SRSF12: variants seen among roughly 807,000 people sequenced by gnomAD.
The protein encoded by SRSF12 is serine/arginine-rich splicing factor 12.
In SRSF12, 21 loss-of-function variants were observed where a neutral mutation model predicts 34.1. That is an observed-to-expected ratio of 0.62 (90% confidence interval 0.44 to 0.89). The LOEUF (loss-of-function observed/expected upper bound fraction) is 0.89. Among genes scored for constraint, SRSF12 ranks in the 40% least tolerant of loss-of-function variants. The probability of loss-of-function intolerance (pLI) is 0.00; values close to 1 mark genes in which losing one functional copy is unlikely to be tolerated. For missense variants in SRSF12, 278 were observed against 327.8 expected (o/e 0.85, Z 1.17); for synonymous variants, 111 against 110.8 (o/e 1.00, Z -0.01).
intron 1 of SRSF12, among the ~76,000 whole-genome samples, chr6:89,114,118 G>A (rs991729293): frequency 5.9e-5 from 9 of 152,104 alleles, no homozygotes; most frequent in Admixed American, 5.2e-4. Context: ...ATTTCTCATC[G>A]GTAAAATGGG....
At chr6:89,117,494 G>A (rs544998137) in intron 1 of SRSF12, among the ~76,000 whole-genome samples, 8 of 152,318 alleles carry the variant, frequency 5.3e-5, no homozygotes, top group Admixed American at 4.6e-4. Context: ...CCCGACTCCC[G>A]GCGGGGAGCG....
chr6:89,111,328 T>A (rs943582208), intron 1 of SRSF12, among the ~76,000 whole-genome samples: 2 of 152,236 alleles, frequency 1.3e-5, no homozygotes, highest in Non-Finnish European at 2.9e-5. Flanking sequence ...AAAATTCCTC[T>A]TGAAAATATG....
At chr6:89,117,683 C>T (rs926437479) in intron 1 of SRSF12, 140 bp downstream of exon 1, 10 of 800,452 alleles carry the variant, frequency 1.2e-5, no homozygotes, top group African/African-American at 3.7e-5. Flanking sequence ...GCTCACACCT[C>T]CCCAAGTGGC....
At position 89,117,900 on chromosome 6, in the gene SRSF12, C is replaced by A; in HGVS notation, c.-13G>T. ...TGTAGCGAGACATGACCGCTTCCTC[C>A]GTTCCCTCCGGGTCTGCCCGCGGCC... is the stretch of plus-strand genomic sequence containing the variant. On this transcript the variant is annotated 5_prime_UTR_variant, in exon 1 of 5. Transcript: ENST00000452027. The A allele has an allele frequency of 6.4e-7, 1 of 1,559,916 alleles. No homozygotes were observed. The highest frequency in any genetic ancestry group is 2.7e-5 in the East Asian group (1 of 37,634).
chr6:89,112,136 T>C (rs2127995981), intron 1 of SRSF12, among the ~76,000 whole-genome samples: 1 of 151,946 alleles, frequency 6.6e-6, no homozygotes, highest in African/African-American at 2.4e-5. Context: ...GCCTGCCGAG[T>C]AGCTGGGATC....
At position 89,103,435 on chromosome 6, in the gene SRSF12, T is replaced by C. The variant is rs569286749; in HGVS notation, c.416+1684A>G. Among the ~76,000 whole-genome samples, 24 of 152,216 alleles carry C rather than the reference T, an allele frequency of 1.6e-4. No individual in the cohort carries two copies. In the South Asian group the frequency reaches 5.0e-3, roughly 32 times the overall value. On this transcript the variant is annotated intron_variant, in intron 4 of 4. Transcript: ENST00000452027. ...CCTCTGCCTCCCAGGTTCAAGCGAT[T>C]CTCCTGCCTCAGCCTCCCAAGTAGC...
In SRSF12 at chr6:89,105,432, C is replaced by T. The variant is rs979661980; in HGVS notation, c.269G>A (p.Arg90His). Residue 90 changes from arginine to histidine, a missense_variant, in exon 3 of 5, where the codon CGC (arginine) becomes CAC (histidine). Coordinates refer to ENST00000452027, the MANE Select transcript of SRSF12 (RefSeq NM_080743.5). ...TAGCATTCAGTCACACTTACTTTTG[C>T]GATCACCTTGTGCAAACTGTATTTC... Reference protein sequence around the residue: ...QIEIQFAQGDRKTPGQMKSKE... With the variant: ...QIEIQFAQGDHKTPGQMKSKE... The T allele has an allele frequency of 6.2e-7, 1 of 1,602,136 alleles. No individual in the cohort carries two copies. The highest frequency in any genetic ancestry group is 8.5e-7 in the Non-Finnish European group (1 of 1,175,572).
Position 89,098,733 on chromosome 6 carries a change from T to C in SRSF12, c.631A>G (p.Arg211Gly). The C allele has an allele frequency of 6.2e-7, 1 of 1,613,998 alleles. No individual in the cohort carries two copies. The highest frequency in any genetic ancestry group is 8.5e-7 in the Non-Finnish European group (1 of 1,179,876). The change falls in exon 5 of 5, where the codon AGA becomes GGA. Residue 211 changes from arginine to glycine, a missense_variant. Arg to Gly is a moderately radical substitution (Grantham distance 125). Transcript: ENST00000452027. ...GAGTCAGAATGTCTTCCATGTGATC[T>C]TGATTTTGTTCCTGAGCTAGTCTGC... is the stretch of plus-strand genomic sequence containing the variant. ...QKQTSSGTKS[R>G]SHGRHSDSIA...
In SRSF12 at chr6:89,096,232, G is replaced by A. The variant is rs1216379721; in HGVS notation, c.*2346C>T. The A allele has an allele frequency of 6.6e-6, 1 of 152,116 alleles. No homozygotes were observed. Among genetic ancestry groups the A allele is most frequent in the African/African-American group, 2.4e-5 (1 of 41,416 alleles). 9.4% of individuals were successfully genotyped at this position (152,116 alleles called of 1,614,324 possible). A position where few individuals can be genotyped will look rare whatever the true frequency, so the allele number is the denominator to read the frequency against. On this transcript the variant is annotated 3_prime_UTR_variant, in exon 5 of 5. Coordinates refer to ENST00000452027, the MANE Select transcript of SRSF12 (RefSeq NM_080743.5). ...AAGACTTCTCTTTGCAAAAGACATA[G>A]GAACAGCAGTCAGGAAGAGGACTCT... is the stretch of plus-strand genomic sequence containing the variant.
At chr6:89,101,064 G>A (rs1380342330) in intron 4 of SRSF12, among the ~76,000 whole-genome samples, 2 of 149,734 alleles carry the variant, frequency 1.3e-5, no homozygotes, top group African/African-American at 2.5e-5. Context: ...AGCCAAGATC[G>A]TGCCATTGCA....
chr6:89,113,612 A>G (rs1271591887), intron 1 of SRSF12, among the ~76,000 whole-genome samples: 1 of 152,054 alleles, frequency 6.6e-6, no homozygotes, highest in Non-Finnish European at 1.5e-5. Context: ...CCAGGCCCCA[A>G]AGATTTTGTT....
chr6:89,117,151 G>A (rs2127998796), intron 1 of SRSF12, among the ~76,000 whole-genome samples: 1 of 152,266 alleles, frequency 6.6e-6, no homozygotes, highest in South Asian at 2.1e-4. Context: ...GAGGGGTGGG[G>A]CATCAGAATC....
In SRSF12 at chr6:89,118,002, C is replaced by G. The variant is rs1431428759; in HGVS notation, c.-115G>C. On this transcript the variant is annotated 5_prime_UTR_variant, in exon 1 of 5. Coordinates refer to ENST00000452027, the MANE Select transcript of SRSF12 (RefSeq NM_080743.5). ...CCGGCCCCCGGCGCGACCCCCACCCCTCGGCCTCAGCCCCGCCAGCGCGCA... is the reference window on the plus strand; with the variant it reads ...CCGGCCCCCGGCGCGACCCCCACCCGTCGGCCTCAGCCCCGCCAGCGCGCA... The G allele has an allele frequency of 3.5e-6, 4 of 1,155,142 alleles. No homozygotes were observed. The Admixed American group carries it at 1.2e-4, about 35-fold the overall frequency. The allele number at this position is 1,155,142 out of a possible 1,614,324, so 71.6% of individuals were successfully genotyped here. A position where few individuals can be genotyped will look rare whatever the true frequency, so the allele number is the denominator to read the frequency against.
chr6:89,109,888 G>T (rs112086488), intron 1 of SRSF12, among the ~76,000 whole-genome samples: 60 of 152,236 alleles, frequency 3.9e-4, no homozygotes, highest in African/African-American at 1.4e-3. Flanking sequence ...TCAGGAGATC[G>T]AGACCATCTT....
intron 4 of SRSF12, among the ~76,000 whole-genome samples, chr6:89,100,810 A>G (rs1768505060): frequency 6.6e-6 from 1 of 152,216 alleles, no homozygotes; most frequent in South Asian, 2.1e-4. Flanking sequence ...GATATAGCAG[A>G]AGAAATAATG....
At chr6:89,116,113 A>G (rs539652734) in intron 1 of SRSF12, among the ~76,000 whole-genome samples, 1 of 152,218 alleles carries the variant, frequency 6.6e-6, no homozygotes, top group African/African-American at 2.4e-5. Context: ...TTTAGATGGC[A>G]TATTTCCTTT....
chr6:89,097,553 C>T lies in SRSF12; in HGVS notation c.*1025G>A, dbSNP rs1768322173. On this transcript the variant is annotated 3_prime_UTR_variant, in exon 5 of 5. Coordinates refer to ENST00000452027, the MANE Select transcript of SRSF12 (RefSeq NM_080743.5). ...TTAAATTTTAGAGACAGGATTTCAC[C>T]ATGTTGCCCAGGCTGGTCTCAATCT... The T allele has an allele frequency of 1.3e-5, 2 of 151,740 alleles. No homozygotes were observed. The highest frequency in any genetic ancestry group is 4.8e-5 in the African/African-American group (2 of 41,244). 9.4% of individuals were successfully genotyped at this position (151,740 alleles called of 1,614,324 possible).
chr6:89,113,336 G>T (rs1769142605), intron 1 of SRSF12, among the ~76,000 whole-genome samples: 1 of 152,048 alleles, frequency 6.6e-6, no homozygotes, highest in South Asian at 2.1e-4. Flanking sequence ...ACCACGCCCA[G>T]CTAATTTTTA....
chr6:89,112,279 C>T (rs1392549992), intron 1 of SRSF12, among the ~76,000 whole-genome samples: 8 of 152,100 alleles, frequency 5.3e-5, no homozygotes, highest in African/African-American at 1.9e-4. Context: ...AAATTTTACA[C>T]TAATTCACAA....
Sources: allele counts gnomAD v4.1 joint callset (sites outside exome capture counted in the v4.1 genomes callset), GRCh38; gene constraint gnomAD v4.1.1; transcripts MANE v1.5; gene names NCBI Gene and HGNC (gene_info 2026-07-23, HGNC 2026-07-21).